PLEKHA6: variants seen among roughly 807,000 people sequenced by gnomAD.
The protein encoded by PLEKHA6 is pleckstrin homology domain containing A6.
PLEKHA6 carries 60 observed loss-of-function variants against 116.7 expected under a neutral mutation model. The observed-to-expected ratio is 0.51, with a 90% CI of 0.42 to 0.64. The LOEUF (loss-of-function observed/expected upper bound fraction) is 0.64, where lower values mean the gene tolerates loss of function less well. Among genes scored for constraint, PLEKHA6 ranks in the 30% least tolerant of loss-of-function variants. The pLI is 0.00. For synonymous variants in PLEKHA6, 489 were observed against 556.1 expected (o/e 0.88, Z 1.70); for missense variants, 1,338 against 1,422.7 (o/e 0.94, Z 0.96).
intron 1 of PLEKHA6, among the ~76,000 whole-genome samples, chr1:204,275,401 C>A (rs553782519): frequency 7.2e-5 from 11 of 152,268 alleles, no homozygotes; most frequent in Non-Finnish European, 7.4e-5. Context: ...GTCATTGAGA[C>A]CTCAGGGGCT....
At chr1:204,332,329 C>T (rs1672483434) in intron 1 of PLEKHA6, among the ~76,000 whole-genome samples, 1 of 152,210 alleles carries the variant, frequency 6.6e-6, no homozygotes, top group Non-Finnish European at 1.5e-5. Flanking sequence ...GAGGTTACCT[C>T]TGAATCAACC....
In PLEKHA6 at chr1:204,221,124, G is replaced by A. The variant is rs913595473; in HGVS notation, c.*1664C>T. 16 of 152,452 alleles carry A rather than the reference G, an allele frequency of 1.0e-4. No individual in the cohort carries two copies. The highest frequency in any genetic ancestry group is 2.9e-4 in the African/African-American group (12 of 41,360). 9.4% of individuals were successfully genotyped at this position (152,452 alleles called of 1,614,324 possible). ...AAAAAACCTGCTAGAAGTGAAGATC[G>A]GTGGAATCCTCCCAGGCTGTAATCC... On this transcript the variant is annotated 3_prime_UTR_variant, in exon 23 of 23. Coordinates refer to ENST00000272203, the MANE Select transcript of PLEKHA6 (RefSeq NM_014935.5).
intron 9 of PLEKHA6, among the ~76,000 whole-genome samples, chr1:204,256,456 AG>A (rs1415253800): frequency 1.3e-5 from 2 of 152,140 alleles, no homozygotes; most frequent in Non-Finnish European, 2.9e-5. Context: ...AGGGGAAAAA[AG>A]TTTAGAAGAT....
chr1:204,378,150 G>C (rs1231159953), upstream of PLEKHA6, among the ~76,000 whole-genome samples: 2 of 152,188 alleles, frequency 1.3e-5, no homozygotes, highest in Admixed American at 1.3e-4. Flanking sequence ...GTTGCAGTGC[G>C]AGCAGGGGTG....
intron 1 of PLEKHA6, chr1:204,311,667 A>G: frequency 2.1e-6 from 2 of 972,484 alleles, no homozygotes; most frequent in Non-Finnish European, 2.4e-6. Context: ...AAAATCATCA[A>G]CTCTTTGGAA....
chr1:204,324,069 C>T (rs1672158104), intron 1 of PLEKHA6, among the ~76,000 whole-genome samples: 1 of 152,044 alleles, frequency 6.6e-6, no homozygotes, highest in Non-Finnish European at 1.5e-5. Context: ...CCCTGGGCCC[C>T]AAGGTTCTGC....
At position 204,223,054 on chromosome 1, in the gene PLEKHA6, A is replaced by T. The variant is rs577179583; in HGVS notation, c.*9-275T>A. Among the ~76,000 whole-genome samples, 1 of 152,292 alleles carries T rather than the reference A, an allele frequency of 6.6e-6. No individual in the cohort carries two copies. The highest frequency in any genetic ancestry group is 1.5e-5 in the Non-Finnish European group (1 of 68,026). ...AATTTACAGTAAGATCTGGGAGTGG[A>T]GAAACAGCTTCTGAGGGCTTCTGAA... is the stretch of plus-strand genomic sequence containing the variant. On this transcript the variant is annotated intron_variant, in intron 22 of 22. Coordinates refer to ENST00000272203, the MANE Select transcript of PLEKHA6 (RefSeq NM_014935.5). The surrounding 1 kb of genome is among the most constrained non-coding windows in gnomAD (Gnocchi z 4.8).
chr1:204,291,470 T>C (rs2103029624), intron 1 of PLEKHA6, among the ~76,000 whole-genome samples: 2 of 152,320 alleles, frequency 1.3e-5, no homozygotes, highest in South Asian at 4.1e-4. Flanking sequence ...CAACGACTTG[T>C]AGACAGATGT....
At chr1:204,342,487 A>G (rs1002431674) in intron 1 of PLEKHA6, among the ~76,000 whole-genome samples, 1 of 152,212 alleles carries the variant, frequency 6.6e-6, no homozygotes, top group African/African-American at 2.4e-5. Flanking sequence ...CCTACTCCAC[A>G]TTGAATGACT....
At chr1:204,284,138 G>C (rs1221089255) in intron 1 of PLEKHA6, among the ~76,000 whole-genome samples, 1 of 152,194 alleles carries the variant, frequency 6.6e-6, no homozygotes, top group Non-Finnish European at 1.5e-5. Flanking sequence ...CTCCCTACTG[G>C]CCAGCCAGAC....
intron 1 of PLEKHA6, among the ~76,000 whole-genome samples, chr1:204,296,169 G>C (rs910996707): frequency 2.0e-5 from 3 of 152,108 alleles, no homozygotes; most frequent in Non-Finnish European, 4.4e-5. Context: ...GTACAAATTT[G>C]TGTGTTAGAT....
At chr1:204,370,407 C>T (rs1172601309) in intron 2 of PLEKHA6, among the ~76,000 whole-genome samples, 1 of 152,260 alleles carries the variant, frequency 6.6e-6, no homozygotes, top group Non-Finnish European at 1.5e-5. Context: ...GGGGGAAGGG[C>T]TGGAAGGCGG....
chr1:204,348,107 A>G (rs1452461731), intron 1 of PLEKHA6, among the ~76,000 whole-genome samples: 1 of 152,200 alleles, frequency 6.6e-6, no homozygotes, highest in Non-Finnish European at 1.5e-5. Flanking sequence ...AGGCACCAAG[A>G]GCCGTAAATA....
At chr1:204,339,506 T>C (rs1672772639) in intron 1 of PLEKHA6, among the ~76,000 whole-genome samples, 1 of 152,200 alleles carries the variant, frequency 6.6e-6, no homozygotes, top group Non-Finnish European at 1.5e-5. Context: ...AATTGTGTGC[T>C]GGGAGAGGGA....
intron 9 of PLEKHA6, chr1:204,251,458 A>T (rs1664546753): frequency 2.9e-6 from 2 of 681,770 alleles, no homozygotes; most frequent in Non-Finnish European, 5.4e-6. Flanking sequence ...CTCATCCTAG[A>T]TGGGCAACTC....
chr1:204,309,367 G>T (rs1012966104), intron 1 of PLEKHA6, among the ~76,000 whole-genome samples: 2 of 152,134 alleles, frequency 1.3e-5, no homozygotes, highest in Admixed American at 6.5e-5. Flanking sequence ...ATCACACGCC[G>T]CATAAGGTCG....
chr1:204,232,559 A>G (rs1309854266), intron 17 of PLEKHA6, among the ~76,000 whole-genome samples: 1 of 152,256 alleles, frequency 6.6e-6, no homozygotes, highest in African/African-American at 2.4e-5. Context: ...TGAGACTGTT[A>G]TACATACAGA....
rs967730311 is a variant in PLEKHA6 at position 204,283,005 on chromosome 1, A to C, written c.-94-8196T>G. On this transcript the variant is annotated intron_variant, in intron 1 of 22. Transcript: ENST00000272203. ...TAACAGGGCAGGGCAATAATTAATT[A>C]TGCCCCCCCACCGCCCCGCCGCCTT... is the stretch of plus-strand genomic sequence containing the variant. Among the ~76,000 whole-genome samples the C allele has an allele frequency of 2.0e-5, 3 of 152,042 alleles. No individual in the cohort carries two copies. The South Asian group carries it at 6.2e-4, about 32-fold the overall frequency.
chr1:204,362,635 T>C (rs1673581934), upstream of PLEKHA6, among the ~76,000 whole-genome samples: 1 of 152,182 alleles, frequency 6.6e-6, no homozygotes, highest in South Asian at 2.1e-4. Flanking sequence ...CCTCCACCTC[T>C]ACCTGGGCTT....
Sources: allele counts gnomAD v4.1 joint callset (sites outside exome capture counted in the v4.1 genomes callset), GRCh38; gene constraint gnomAD v4.1.1; non-coding constraint Gnocchi (gnomAD v3.1); transcripts MANE v1.5; gene names NCBI Gene and HGNC (gene_info 2026-07-23, HGNC 2026-07-21).